Variants in NPR3 observed in about 807,000 individuals in gnomAD.
NPR3 encodes the protein atrial natriuretic peptide receptor 3.
A neutral mutation model predicts 54.5 loss-of-function variants in NPR3; 34 were observed. The ratio of observed to expected loss-of-function variants is 0.62; its 90% confidence interval spans 0.47 to 0.83. The LOEUF (loss-of-function observed/expected upper bound fraction) is 0.83, where lower values mean the gene tolerates loss of function less well. NPR3 is among the 40% of genes least tolerant of loss of function. The probability of loss-of-function intolerance (pLI) is 0.00; values close to 1 mark genes in which losing one functional copy is unlikely to be tolerated. For missense variants in NPR3, 674 were observed against 720.8 expected, an observed-to-expected ratio of 0.94 and a Z score of 0.74; for synonymous variants, 289 against 297.1, an observed-to-expected ratio of 0.97 and a Z score of 0.28.
chr5:32,785,779 G>T (rs1742585784), intron 7 of NPR3, among the ~76,000 whole-genome samples: 1 of 152,208 alleles, frequency 6.6e-6, no homozygotes, highest in Admixed American at 6.5e-5. Flanking sequence ...TGTAATCTTT[G>T]GTGGTTGAGT....
chr5:32,769,208 T>C (rs946820881), intron 3 of NPR3, among the ~76,000 whole-genome samples: 2 of 152,238 alleles, frequency 1.3e-5, no homozygotes, highest in African/African-American at 4.8e-5. Context: ...CTTATTTTAA[T>C]GATTTAAAAG....
chr5:32,764,306 G>A (rs1218437030), intron 3 of NPR3, among the ~76,000 whole-genome samples: 33 of 152,008 alleles, frequency 2.2e-4, no homozygotes, highest in Non-Finnish European at 4.4e-5. Flanking sequence ...GATCTTTAAA[G>A]CCAAGAAGCT....
rs780636016 is a variant in NPR3 at position 32,712,320 on chromosome 5, GCCAAGATGGGCGAGATGA to G, written c.545_562del (p.Ala182_Met188delinsVal). 5.0e-6 allele frequency: 8 copies of G among 1,613,300 alleles called. No individual in the cohort carries two copies. Among genetic ancestry groups the G allele is most frequent in the African/African-American group, 1.3e-5 (1 of 74,946 alleles). ...CCTCACGCGCGTGGCGCCCGCCTAC[GCCAAGATGGGCGAGATGA>G]TGCTCGCCCTGTTCCGCCACCACCA... On this transcript the variant is annotated inframe_deletion, in exon 1 of 8. Transcript: ENST00000265074.
chr5:32,776,939 G>T (rs1252985070), intron 4 of NPR3, among the ~76,000 whole-genome samples: 2 of 152,156 alleles, frequency 1.3e-5, no homozygotes, highest in Non-Finnish European at 2.9e-5. Flanking sequence ...CCCGAGGGAA[G>T]TGAGGGAAGC....
chr5:32,739,085 T>C, intron 3 of NPR3, 55 bp downstream of exon 3: 1 of 1,553,274 alleles, frequency 6.4e-7, no homozygotes. Context: ...TGTCTTCTAA[T>C]TAAATCAGAG....
Position 32,782,923 on chromosome 5 carries a change from C to T in NPR3, c.1321C>T (p.Arg441Cys), listed in dbSNP as rs371797796. The T allele has an allele frequency of 8.7e-5, 140 of 1,611,524 alleles. No homozygotes were observed. The highest frequency in any genetic ancestry group is 1.2e-4 in the Non-Finnish European group (136 of 1,178,698). Reference sequence around the variant, plus strand: ...TGGTGATTATTTTGGAAAAGAAGGTCGTTTTGAAATGCGGCCGAATGTCAA... The same window carrying T: ...TGGTGATTATTTTGGAAAAGAAGGTTGTTTTGAAATGCGGCCGAATGTCAA... ...VIGDYFGKEG[R>C]FEMRPNVKYP... The change falls in exon 6 of 8, where the codon CGT becomes TGT. Residue 441 changes from arginine (R) to cysteine (C), a missense_variant. Arg to Cys is a radical substitution (Grantham distance 180, BLOSUM62 -3). Coordinates refer to ENST00000265074, the MANE Select transcript of NPR3 (RefSeq NM_001204375.2).
chr5:32,776,684 C>T (rs970726093), intron 4 of NPR3, among the ~76,000 whole-genome samples: 4 of 152,192 alleles, frequency 2.6e-5, no homozygotes, highest in African/African-American at 9.6e-5. Context: ...GTTCATTGAG[C>T]ACCTACTATG....
intron 4 of NPR3, among the ~76,000 whole-genome samples, chr5:32,776,649 A>G (rs1454673233): frequency 6.6e-6 from 1 of 152,158 alleles, no homozygotes; most frequent in Non-Finnish European, 1.5e-5. Flanking sequence ...TATCAACTCT[A>G]TATTAATTTA....
chr5:32,723,525 C>T (rs1363079392), intron 1 of NPR3, among the ~76,000 whole-genome samples: 7 of 152,194 alleles, frequency 4.6e-5, no homozygotes, highest in Admixed American at 2.0e-4. Context: ...TTGTAGCACC[C>T]TCTGAATCCT....
rs149331915 is a variant in NPR3 at position 32,725,677 on chromosome 5, T to C, written c.892+857T>C. 3.3e-5 allele frequency among the ~76,000 whole-genome samples: 5 copies of C among 152,322 alleles called. No homozygotes were observed. In the South Asian group the frequency reaches 6.2e-4, roughly 19 times the overall value. The stretch of plus-strand genomic sequence containing the variant: ...CTGAATAGGTGAAGTGTGTCACACT[T>C]AGCATGTGTATTGTTTTAGAAAGCT... On this transcript the variant is annotated intron_variant, in intron 2 of 7. Coordinates refer to ENST00000265074, the MANE Select transcript of NPR3 (RefSeq NM_001204375.2).
chr5:32,701,408 T>C (rs1313475158), intron 1 of NPR3, among the ~76,000 whole-genome samples: 1 of 152,250 alleles, frequency 6.6e-6, no homozygotes, highest in African/African-American at 2.4e-5. Flanking sequence ...TGTGAATTCC[T>C]TCCCTGTGTT....
intron 1 of NPR3, chr5:32,713,081 C>G: frequency 2.7e-6 from 2 of 743,132 alleles, no homozygotes; most frequent in Non-Finnish European, 3.3e-6. Flanking sequence ...CTTTTAAAGG[C>G]TTGTTGACTC....
chr5:32,695,216 T>C (rs1456093751), intron 1 of NPR3, among the ~76,000 whole-genome samples: 1 of 152,252 alleles, frequency 6.6e-6, no homozygotes, highest in Non-Finnish European at 1.5e-5. Flanking sequence ...CTTTTGGGTA[T>C]ATACCCAACA....
chr5:32,776,419 C>A (rs1185053748), intron 4 of NPR3, among the ~76,000 whole-genome samples: 2 of 152,180 alleles, frequency 1.3e-5, no homozygotes, highest in Non-Finnish European at 2.9e-5. Flanking sequence ...GTCCTTCCAA[C>A]AGGGAACATT....
At chr5:32,695,085 A>G (rs1410027575) in intron 1 of NPR3, among the ~76,000 whole-genome samples, 1 of 151,996 alleles carries the variant, frequency 6.6e-6, no homozygotes, top group Admixed American at 6.6e-5. Context: ...TATTAACTAC[A>G]TTTTCTTTAT....
At chr5:32,700,256 T>G (rs889763560) in intron 1 of NPR3, among the ~76,000 whole-genome samples, 1 of 152,232 alleles carries the variant, frequency 6.6e-6, no homozygotes, top group Non-Finnish European at 1.5e-5. Context: ...TGGAAAGTTC[T>G]CTGTTATTAT....
At chr5:32,701,929 A>G (rs1288651757) in intron 1 of NPR3, among the ~76,000 whole-genome samples, 1 of 152,190 alleles carries the variant, frequency 6.6e-6, no homozygotes, top group Non-Finnish European at 1.5e-5. Context: ...TGCTGACATA[A>G]GTATCTCTGT....
intron 2 of NPR3, among the ~76,000 whole-genome samples, chr5:32,735,712 T>C (rs1040013240): frequency 6.6e-6 from 1 of 152,136 alleles, no homozygotes; most frequent in African/African-American, 2.4e-5. Flanking sequence ...GGCACCCAGT[T>C]GTCTACTGCA....
intron 1 of NPR3, among the ~76,000 whole-genome samples, chr5:32,702,377 G>T (rs1737846276): frequency 2.0e-5 from 3 of 151,530 alleles, no homozygotes; most frequent in South Asian, 2.1e-4. Context: ...TCATTTAGCA[G>T]TAGGTATATC....
Sources: allele counts gnomAD v4.1 joint callset (sites outside exome capture counted in the v4.1 genomes callset), GRCh38; gene constraint gnomAD v4.1.1; transcripts MANE v1.5; gene names NCBI Gene and HGNC (gene_info 2026-07-23, HGNC 2026-07-21).